The following DHX9 variants were observed in gnomAD, a reference collection of about 807,000 sequenced individuals.
The protein encoded by DHX9 is ATP-dependent RNA helicase A.
In DHX9, 27 loss-of-function variants were observed where a neutral mutation model predicts 148.7. The observed-to-expected ratio is 0.18, with a 90% CI of 0.13 to 0.25. DHX9 has a LOEUF of 0.25. DHX9 is among the 10% of genes least tolerant of loss of function. DHX9 has a pLI of 1.00. For missense variants in DHX9, 796 were observed against 1,559.6 expected, an observed-to-expected ratio of 0.51 and a Z score of 8.25; for synonymous variants, 529 against 516.6, an observed-to-expected ratio of 1.02 and a Z score of -0.33.
At chr1:182,869,539 G>A (rs575593357) in intron 14 of DHX9, among the ~76,000 whole-genome samples, 4 of 151,782 alleles carry the variant, frequency 2.6e-5, no homozygotes, top group Admixed American at 2.6e-4. Context: ...GTCCAGTCTT[G>A]CCCAGTCCTG....
At chr1:182,846,235 T>A (rs1314621140) in intron 3 of DHX9, among the ~76,000 whole-genome samples, 4 of 150,444 alleles carry the variant, frequency 2.7e-5, no homozygotes, top group Non-Finnish European at 4.4e-5. Context: ...AGACCAGATG[T>A]ACTTTTTTTT....
At chr1:182,878,899 A>G (rs1455529484) in intron 20 of DHX9, among the ~76,000 whole-genome samples, 1 of 152,262 alleles carries the variant, frequency 6.6e-6, no homozygotes, top group African/African-American at 2.4e-5. Context: ...AGTATGAGTT[A>G]TCATCCTACA....
intron 3 of DHX9, 150 bp from the exon 4 acceptor site, chr1:182,852,083 C>A: frequency 2.0e-6 from 1 of 495,190 alleles, no homozygotes; most frequent in Non-Finnish European, 3.6e-6. Context: ...TTTTGAGATG[C>A]ACTGCTCTAG....
chr1:182,870,611 G>A (rs1648517899), intron 14 of DHX9, among the ~76,000 whole-genome samples: 1 of 152,174 alleles, frequency 6.6e-6, no homozygotes, highest in Admixed American at 6.5e-5. Flanking sequence ...GTTGAAATCG[G>A]TTCCCTACCT....
rs764348907 is a variant in DHX9, at chr1:182,883,398, A to G, written c.3144+30A>G. The G allele has an allele frequency of 1.8e-5, 29 of 1,599,782 alleles. No homozygotes were observed. The East Asian group carries it at 6.0e-4, about 33-fold the overall frequency. On this transcript the variant is annotated intron_variant, in intron 25 of 27. Coordinates refer to ENST00000367549, the MANE Select transcript of DHX9 (RefSeq NM_001357.5). ...GAAAAGACTAGAAAAGTTTACATTG[A>G]AAGTTGAAATTGTCTTTACAATCAT... is the stretch of plus-strand genomic sequence containing the variant.
At chr1:182,870,159 GAAAA>G (rs1648498164) in intron 14 of DHX9, among the ~76,000 whole-genome samples, 2 of 152,084 alleles carry the variant, frequency 1.3e-5, no homozygotes, top group African/African-American at 4.8e-5. Context: ...ATCTCTCCAA[GAAAA>G]ATAAGTTTTA....
At chr1:182,884,357 T>C (rs994727987) in intron 26 of DHX9, among the ~76,000 whole-genome samples, 1 of 152,186 alleles carries the variant, frequency 6.6e-6, no homozygotes, top group African/African-American at 2.4e-5. Context: ...TATATTTTAT[T>C]TGGCTTGATA....
In DHX9 at chr1:182,854,172, A is replaced by G. The variant is rs1194618194; in HGVS notation, c.620A>G (p.His207Arg). The change falls in exon 6 of 28, where the codon CAC becomes CGC. Residue 207 changes from histidine to arginine, a missense_variant. Physicochemically the swap from His to Arg is conservative, Grantham distance 29. Around this residue, in one of 14 missense-constraint regions of DHX9, gnomAD observed 46 missense variants for 136.3 expected, o/e 0.34. Transcript: ENST00000367549. ...AAGTACACCCAAGTGGGTCCTGATC[A>G]CAACAGGTTTGCTTGTTTCATTCTT... ...EYKYTQVGPDHNRSFIAEMTI... is the reference protein window; with the variant it reads ...EYKYTQVGPDRNRSFIAEMTI... The G allele has an allele frequency of 1.3e-6, 2 of 1,598,278 alleles. No homozygotes were observed. Among genetic ancestry groups the G allele is most frequent in the Admixed American group, 3.5e-5 (2 of 57,614 alleles).
At chr1:182,883,081 G>A (rs1422770133) in intron 24 of DHX9, 58 bp from the exon 25 acceptor site, 7 of 1,119,302 alleles carry the variant, frequency 6.3e-6, no homozygotes, top group African/African-American at 1.5e-5. Flanking sequence ...TAGTTTGCAT[G>A]TAATGTGAAG....
intron 2 of DHX9, among the ~76,000 whole-genome samples, 187 bp downstream of exon 2, chr1:182,842,864 A>G (rs796894897): frequency 2.8e-4 from 42 of 152,322 alleles, no homozygotes; most frequent in African/African-American, 1.0e-3. Flanking sequence ...CTGACAGGTA[A>G]ATTATTCTAA....
chr1:182,846,251 T>C (rs1668027161), intron 3 of DHX9, among the ~76,000 whole-genome samples: 2 of 152,048 alleles, frequency 1.3e-5, no homozygotes. Flanking sequence ...TTTTTTTTTT[T>C]TTTGAGATGG....
rs914521453 is a variant in DHX9, at chr1:182,851,419, AAAT to A, written c.253-806_253-804del. The stretch of plus-strand genomic sequence containing the variant: ...GGTCAGAGGAACAATCATTTATTCA[AAAT>A]AATAATAGTTATACTATTGCACAAA... On this transcript the variant is annotated intron_variant, in intron 3 of 27. Transcript: ENST00000367549. 4.9e-4 allele frequency among the ~76,000 whole-genome samples: 74 copies of A among 152,342 alleles called. 1 individual carries two copies. The highest frequency in any genetic ancestry group is 1.7e-3 in the African/African-American group (69 of 41,586).
At chr1:182,872,310 A>C (rs758961095) in intron 14 of DHX9, 27 bp from the exon 15 acceptor site, 3 of 1,587,792 alleles carry the variant, frequency 1.9e-6, no homozygotes, top group Non-Finnish European at 2.6e-6. Flanking sequence ...ATGTAATTTC[A>C]AAAATTTTGT....
intron 3 of DHX9, among the ~76,000 whole-genome samples, chr1:182,851,159 C>G (rs927402907): frequency 6.6e-6 from 1 of 152,108 alleles, no homozygotes; most frequent in African/African-American, 2.4e-5. Flanking sequence ...CACTATCCTT[C>G]AAGGTATAAG....
chr1:182,874,020 A>G (rs1648659017), intron 15 of DHX9, among the ~76,000 whole-genome samples: 1 of 152,236 alleles, frequency 6.6e-6, no homozygotes. Flanking sequence ...TTACCAAAAT[A>G]CAAAATATTT....
In DHX9 at chr1:182,851,149, C is replaced by T. The variant is rs548859643; in HGVS notation, c.253-1084C>T. ...CTCCATAACCCCAACCTTGGAGGAA[C>T]ACTATCCTTCAAGGTATAAGCTCTC... On this transcript the variant is annotated intron_variant, in intron 3 of 27. Coordinates refer to ENST00000367549, the MANE Select transcript of DHX9 (RefSeq NM_001357.5). Among the ~76,000 whole-genome samples, 10 of 152,260 alleles carry T rather than the reference C, an allele frequency of 6.6e-5. No individual in the cohort carries two copies. The East Asian group carries it at 9.6e-4, about 15-fold the overall frequency.
chr1:182,875,110 C>CA (rs543106007), intron 16 of DHX9, 156 bp downstream of exon 16: 87 of 687,962 alleles, frequency 1.3e-4, no homozygotes, highest in South Asian at 2.9e-4. Context: ...TATTTTACTG[C>CA]AAAAAAATTC....
At chr1:182,854,206 G>A in intron 6 of DHX9, 28 bp downstream of exon 6, 2 of 1,566,186 alleles carry the variant, frequency 1.3e-6, no homozygotes, top group South Asian at 1.2e-5. Context: ...TTTTCCTTCT[G>A]TAGTAAGTTA....
intron 3 of DHX9, among the ~76,000 whole-genome samples, chr1:182,851,291 A>G (rs907798198): frequency 4.6e-5 from 7 of 152,240 alleles, no homozygotes; most frequent in Admixed American, 2.0e-4. Context: ...AAAGCGCCCA[A>G]AAAACCCTAA....
Sources: allele counts gnomAD v4.1 joint callset (sites outside exome capture counted in the v4.1 genomes callset), GRCh38; gene constraint gnomAD v4.1.1; regional missense constraint gnomAD v4.1.1; transcripts MANE v1.5; gene names NCBI Gene and HGNC (gene_info 2026-07-23, HGNC 2026-07-21).